The following TXNDC16 variants were observed in gnomAD, a reference collection of about 807,000 sequenced individuals.
TXNDC16 encodes the protein thioredoxin domain-containing protein 16.
Under a neutral mutation model 85.6 loss-of-function variants are expected in TXNDC16, and 74 were observed. That is an observed-to-expected ratio of 0.86 (90% CI 0.72 to 1.05). TXNDC16 has a LOEUF of 1.05. Among genes scored for constraint, TXNDC16 ranks in the 50% least tolerant of loss-of-function variants. The pLI, the probability that TXNDC16 is intolerant of heterozygous loss-of-function variation, is 0.00. For missense variants in TXNDC16, 959 were observed against 947.0 expected (o/e 1.01, Z -0.17); for synonymous variants, 335 against 326.5 (o/e 1.03, Z -0.28).
chr14:52,520,289 C>T (rs1319593212), intron 6 of TXNDC16, among the ~76,000 whole-genome samples: 5 of 152,208 alleles, frequency 3.3e-5, no homozygotes, highest in African/African-American at 9.7e-5. Context: ...ATAAATCAGA[C>T]TGATCATATT....
At chr14:52,536,652 G>T in intron 6 of TXNDC16, 67 bp downstream of exon 6, 1 of 1,277,092 alleles carries the variant, frequency 7.8e-7, no homozygotes, top group Non-Finnish European at 1.1e-6. Flanking sequence ...ATGAATTGTG[G>T]TTATTTAAAA....
chr14:52,478,031 C>G (rs1322757487), intron 14 of TXNDC16, among the ~76,000 whole-genome samples: 2 of 152,072 alleles, frequency 1.3e-5, no homozygotes, highest in African/African-American at 4.8e-5. Context: ...AAGGAACCTT[C>G]AAAACCATGC....
At position 52,431,949 on chromosome 14, in the gene TXNDC16, G is replaced by T. The variant is rs2767540; in HGVS notation, c.*355C>A. The T allele has an allele frequency of 0.22, 40,468 of 184,042 alleles. 5,139 individuals are homozygous for T. The highest frequency in any genetic ancestry group is 0.37 in the African/African-American group (15,342 of 41,932). The allele number at this position is 184,042 out of a possible 1,614,324, so 11.4% of individuals were successfully genotyped here. ...AGTAGTCACAGGCCACATGTGGCAA[G>T]GAACACTTGAAATATGGCTACTCGG... On this transcript the variant is annotated 3_prime_UTR_variant, in exon 21 of 21. Transcript: ENST00000281741.
intron 12 of TXNDC16, among the ~76,000 whole-genome samples, chr14:52,484,137 T>C (rs1189139540): frequency 2.7e-5 from 4 of 147,534 alleles, no homozygotes; most frequent in African/African-American, 9.9e-5. Flanking sequence ...CTTATATTTC[T>C]GAAACCCAGG....
At chr14:52,492,822 C>A (rs561310907) in intron 9 of TXNDC16, among the ~76,000 whole-genome samples, 16 of 152,298 alleles carry the variant, frequency 1.1e-4, no homozygotes, top group African/African-American at 3.9e-4. Context: ...CCCTCCTCGG[C>A]CCAGTCAGCC....
At position 52,469,884 on chromosome 14, in the gene TXNDC16, A is replaced by G. The variant is rs45497892; in HGVS notation, c.1618+153T>C. Among the ~76,000 whole-genome samples the G allele has an allele frequency of 6.0e-4, 91 of 152,330 alleles. 1 individual carries two copies. Among genetic ancestry groups the G allele is most frequent in the Non-Finnish European group, 1.1e-3 (73 of 68,040 alleles). ...AGAAATTACATCAAAATTTAACACT[A>G]TCTCTGAATAATTAGCTTACGATAT... On this transcript the variant is annotated intron_variant, in intron 16 of 20. Transcript: ENST00000281741.
chr14:52,541,659 G>C (rs888218026), intron 4 of TXNDC16, among the ~76,000 whole-genome samples: 1 of 152,180 alleles, frequency 6.6e-6, no homozygotes. Context: ...GAAGGCTAAT[G>C]AATTAAGAAA....
At chr14:52,444,794 C>T (rs2035241121) in intron 18 of TXNDC16, among the ~76,000 whole-genome samples, 1 of 152,072 alleles carries the variant, frequency 6.6e-6, no homozygotes, top group African/African-American at 2.4e-5. Flanking sequence ...AGTGGGCCTA[C>T]TCTTTGGACA....
chr14:52,505,003 T>G (rs1433374526), intron 9 of TXNDC16, among the ~76,000 whole-genome samples: 1 of 152,192 alleles, frequency 6.6e-6, no homozygotes, highest in Non-Finnish European at 1.5e-5. Context: ...AAGGTATCAA[T>G]TCAAAAAGAA....
rs1555342574 is a variant in TXNDC16, at chr14:52,530,406, A to AATATTATATAATAATAATATAATATAT, written c.392+6312_392+6313insATATATTATATTATTATTATATAATAT. On this transcript the variant is annotated intron_variant, in intron 6 of 20. Transcript: ENST00000281741. ...TATATAATATTATAATATAATATAT[A>AATATTATATAATAATAATATAATATAT]ATTATTATATAATATTATATATAAT... 1.2e-3 allele frequency among the ~76,000 whole-genome samples: 5 copies of AATATTATATAATAATAATATAATATAT among 4,230 alleles called. 1 individual carries two copies. The highest frequency in any genetic ancestry group is 7.9e-3 in the African/African-American group (5 of 630). The allele number at this position is 4,230 out of a possible 152,430, so 2.8% of individuals were successfully genotyped here.
chr14:52,550,952 A>G (rs1034017516), intron 1 of TXNDC16, among the ~76,000 whole-genome samples: 1 of 152,214 alleles, frequency 6.6e-6, no homozygotes, highest in Non-Finnish European at 1.5e-5. Context: ...TTAGGTTCCA[A>G]TAAACATAAA....
Position 52,470,051 on chromosome 14 carries a change from G to T in TXNDC16, c.1604C>A (p.Pro535Gln). ...SSVSVLGLFS[P>Q]TMKTAKEDFS... ...GCTCTGCTTACCTGTTTTCATGGTT[G>T]GACTAAATAGTCCCAATACTGACAC... Residue 535 changes from proline to glutamine, a missense_variant, in exon 16 of 21, where the codon CCA becomes CAA. Coordinates refer to ENST00000281741, the MANE Select transcript of TXNDC16 (RefSeq NM_020784.3). 2 of 1,608,008 alleles carry T rather than the reference G, an allele frequency of 1.2e-6. No homozygotes were observed. The highest frequency in any genetic ancestry group is 2.2e-5 in the South Asian group (2 of 89,588).
At chr14:52,531,553 G>T (rs1287826672) in intron 6 of TXNDC16, among the ~76,000 whole-genome samples, 1 of 152,092 alleles carries the variant, frequency 6.6e-6, no homozygotes, top group African/African-American at 2.4e-5. Context: ...AGTGCAAGAA[G>T]CCAAGATGAA....
intron 6 of TXNDC16, among the ~76,000 whole-genome samples, chr14:52,528,552 T>A (rs1221466508): frequency 1.3e-5 from 2 of 151,884 alleles, no homozygotes; most frequent in South Asian, 2.1e-4. Context: ...TGTAGAAGAA[T>A]TATATATGAT....
chr14:52,438,281 C>T (rs1193230539), intron 20 of TXNDC16, among the ~76,000 whole-genome samples: 1 of 152,176 alleles, frequency 6.6e-6, no homozygotes, highest in African/African-American at 2.4e-5. Flanking sequence ...TGCTATCAAA[C>T]AGCATCATAT....
At chr14:52,530,904 C>G (rs539201225) in intron 6 of TXNDC16, among the ~76,000 whole-genome samples, 34 of 151,474 alleles carry the variant, frequency 2.2e-4, no homozygotes, top group African/African-American at 8.2e-4. Context: ...AAAAGACAAG[C>G]AACAAACTGG....
chr14:52,518,040 T>A (rs2037125578), intron 7 of TXNDC16, among the ~76,000 whole-genome samples: 1 of 152,206 alleles, frequency 6.6e-6, no homozygotes, highest in Admixed American at 6.5e-5. Flanking sequence ...CCTTTCAGCA[T>A]CATTTAACAC....
intron 16 of TXNDC16, 144 bp from the exon 17 acceptor site, chr14:52,457,318 TG>T: frequency 2.0e-6 from 1 of 492,138 alleles, no homozygotes; most frequent in South Asian, 3.5e-5. Context: ...TATAATTTAG[TG>T]GTTCCAAAAT....
intron 6 of TXNDC16, 69 bp downstream of exon 6, chr14:52,536,650 T>C (rs2037707046): frequency 4.8e-6 from 6 of 1,249,416 alleles, no homozygotes; most frequent in Non-Finnish European, 6.8e-6. Context: ...TAATGAATTG[T>C]GGTTATTTAA....
Sources: gnomAD v4.1 joint callset for allele counts (sites outside exome capture counted in the v4.1 genomes callset) on GRCh38, gnomAD v4.1.1 for gene constraint, MANE v1.5 for transcripts, NCBI Gene and HGNC (gene_info 2026-07-23, HGNC 2026-07-21) for gene names.